EVC2: variants seen among roughly 807,000 people sequenced by gnomAD.
EVC2 encodes limbin.
EVC2 carries 148 observed loss-of-function variants against 149.3 expected under a neutral mutation model. The ratio of observed to expected loss-of-function variants is 0.99; its 90% CI spans 0.87 to 1.14. The LOEUF is 1.14. Among genes scored for constraint, EVC2 ranks in the 50% most tolerant of loss-of-function variants. EVC2 has a pLI of 0.00. For missense variants in EVC2, 1,854 were observed against 1,627.3 expected (o/e 1.14, Z -2.40); for synonymous variants, 776 against 649.9 (o/e 1.19, Z -2.95).
intron 7 of EVC2, among the ~76,000 whole-genome samples, chr4:5,676,280 G>T (rs1719986588): frequency 6.6e-6 from 1 of 152,176 alleles, no homozygotes; most frequent in South Asian, 2.1e-4. Context: ...ATTTTCCTTG[G>T]CTGACATGTG....
intron 13 of EVC2, among the ~76,000 whole-genome samples, chr4:5,623,468 T>A (rs1242288830): frequency 6.6e-6 from 1 of 152,114 alleles, no homozygotes; most frequent in Non-Finnish European, 1.5e-5. Context: ...GCCTCCCCAG[T>A]AGCTGGGATT....
chr4:5,690,453 T>C (rs1321983262), intron 4 of EVC2, among the ~76,000 whole-genome samples: 4 of 150,980 alleles, frequency 2.6e-5, no homozygotes, highest in Non-Finnish European at 5.9e-5. Context: ...CCTCACCAGA[T>C]AGCTGATGCC....
chr4:5,552,046 TA>T (rs1279028976), intron 21 of EVC2, among the ~76,000 whole-genome samples: 1 of 152,184 alleles, frequency 6.6e-6, no homozygotes. Context: ...GAAAATAGGG[TA>T]ATACACCCCT....
intron 9 of EVC2, among the ~76,000 whole-genome samples, chr4:5,642,373 T>C (rs554987866): frequency 1.7e-4 from 24 of 145,142 alleles, no homozygotes; most frequent in Admixed American, 6.8e-4. Flanking sequence ...TACAATTTTA[T>C]CCTCTTTTTT....
At chr4:5,653,786 C>A (rs1181367811) in intron 9 of EVC2, among the ~76,000 whole-genome samples, 1 of 152,148 alleles carries the variant, frequency 6.6e-6, no homozygotes, top group East Asian at 1.9e-4. Context: ...TAAAACTGTT[C>A]TAAAAAATAA....
At chr4:5,589,110 A>C (rs1255834420) in intron 16 of EVC2, among the ~76,000 whole-genome samples, 1 of 152,128 alleles carries the variant, frequency 6.6e-6, no homozygotes, top group Non-Finnish European at 1.5e-5. Context: ...TGGGTCCTAG[A>C]TATTTTTGTG....
At position 5,618,436 on chromosome 4, in the gene EVC2, C is replaced by T. The variant is rs200068047; in HGVS notation, c.2706+42G>A. 26 of 1,607,598 alleles carry T rather than the reference C, an allele frequency of 1.6e-5. No individual in the cohort carries two copies. Among genetic ancestry groups the T allele is most frequent in the Middle Eastern group, 4.5e-4 (2 of 4,460 alleles). ...CCCTGTAGGGCCAGCAGCTGGGAGA[C>T]GGCCCTGCTTCTGTAATCGGCCACT... On this transcript the variant is annotated intron_variant, in intron 15 of 21. Coordinates refer to ENST00000344408, the MANE Select transcript of EVC2 (RefSeq NM_147127.5). The surrounding 1 kb of genome is among the most constrained non-coding windows in gnomAD (Gnocchi z 4.4).
intron 16 of EVC2, among the ~76,000 whole-genome samples, chr4:5,606,042 A>T (rs1442322990): frequency 6.6e-6 from 1 of 152,168 alleles, no homozygotes; most frequent in African/African-American, 2.4e-5. Context: ...CAAACCCCCT[A>T]AGCCAACCAC....
intron 16 of EVC2, among the ~76,000 whole-genome samples, chr4:5,597,064 G>A (rs1222512592): frequency 6.6e-6 from 1 of 152,188 alleles, no homozygotes; most frequent in Non-Finnish European, 1.5e-5. Flanking sequence ...TGAAACTGTG[G>A]CAATAATCAA....
chr4:5,641,967 G>A (rs1232518062), intron 9 of EVC2, among the ~76,000 whole-genome samples: 1 of 152,126 alleles, frequency 6.6e-6, no homozygotes, highest in East Asian at 1.9e-4. Flanking sequence ...AGGCCCTGGT[G>A]TGTGATGTTC....
chr4:5,702,100 C>G (rs759610373), intron 1 of EVC2, among the ~76,000 whole-genome samples: 1 of 152,186 alleles, frequency 6.6e-6, no homozygotes, highest in Non-Finnish European at 1.5e-5. Context: ...CCATCCACAG[C>G]ATCCCATCTT....
At position 5,638,324 on chromosome 4, in the gene EVC2, G is replaced by A. The variant is rs186373640; in HGVS notation, c.1470+2190C>T. ...GAATCACTTGAGCCCAGGAGGTGGA[G>A]GTTGCAGTGAGCCAAGACTGCACCA... On this transcript the variant is annotated intron_variant, in intron 10 of 21. Transcript: ENST00000344408. Among the ~76,000 whole-genome samples, 48 of 152,194 alleles carry A rather than the reference G, an allele frequency of 3.2e-4. No homozygotes were observed. In the East Asian group the frequency reaches 6.6e-3, roughly 21 times the overall value.
chr4:5,645,522 T>C (rs1371956305), intron 9 of EVC2, among the ~76,000 whole-genome samples: 2 of 152,214 alleles, frequency 1.3e-5, no homozygotes, highest in Admixed American at 6.5e-5. Flanking sequence ...TTTGGTTTTC[T>C]CTTACTGAGT....
In EVC2 at chr4:5,618,271, A is replaced by G. The variant is rs546340605; in HGVS notation, c.2706+207T>C. Among the ~76,000 whole-genome samples the G allele has an allele frequency of 2.0e-5, 3 of 152,346 alleles. No homozygotes were observed. Among genetic ancestry groups the G allele is most frequent in the East Asian group, 1.9e-4 (1 of 5,166 alleles). On this transcript the variant is annotated intron_variant, in intron 15 of 21. Coordinates refer to ENST00000344408, the MANE Select transcript of EVC2 (RefSeq NM_147127.5). This position sits in a 1 kb window ranked among gnomAD's most constrained non-coding sequence, Gnocchi z 4.4. ...AGCCCAGGCAACAGGATCAGGGCAC[A>G]GCACCAGCAGTGTCCACTATAGACT...
intron 7 of EVC2, among the ~76,000 whole-genome samples, chr4:5,674,961 A>C (rs952242645): frequency 1.3e-5 from 2 of 152,196 alleles, no homozygotes; most frequent in African/African-American, 4.8e-5. Flanking sequence ...GATAACGTGC[A>C]ATTGTGTACA....
chr4:5,706,401 G>GATACATACATAC (rs1577281508), intron 1 of EVC2, among the ~76,000 whole-genome samples: 1 of 45,522 alleles, frequency 2.2e-5, no homozygotes. Context: ...TACATAGATA[G>GATACATACATAC]ATAGATAGAT....
At chr4:5,691,382 A>G (rs762270225) in intron 3 of EVC2, 49 bp from the exon 4 acceptor site, 4 of 1,469,380 alleles carry the variant, frequency 2.7e-6, no homozygotes, top group Admixed American at 1.7e-5. Flanking sequence ...ATTTCATGCT[A>G]TACATATTTA....
Position 5,576,565 on chromosome 4 carries a change from G to A in EVC2, c.3058-111C>T, listed in dbSNP as rs1722949614. On this transcript the variant is annotated intron_variant, in intron 17 of 21. Transcript: ENST00000344408. The surrounding 1 kb of genome is among the most constrained non-coding windows in gnomAD (Gnocchi z 4.5). ...TACAAGTCTGGCATGACTCTGTCTT[G>A]CCTGGTTCCCCATCCAGCTGTGCCA... The A allele has an allele frequency of 6.6e-7, 1 of 1,526,418 alleles. No homozygotes were observed. The highest frequency in any genetic ancestry group is 8.8e-7 in the Non-Finnish European group (1 of 1,140,504). The allele number at this position is 1,526,418 out of a possible 1,614,324, so 94.6% of individuals were successfully genotyped here.
intron 21 of EVC2, among the ~76,000 whole-genome samples, chr4:5,546,915 G>A (rs1721633184): frequency 6.6e-6 from 1 of 152,120 alleles, no homozygotes; most frequent in South Asian, 2.1e-4. Context: ...GGTGGGGAAG[G>A]AGCTTCCCTG....
Sources: allele counts gnomAD v4.1 joint callset (sites outside exome capture counted in the v4.1 genomes callset), GRCh38; gene constraint gnomAD v4.1.1; non-coding constraint Gnocchi (gnomAD v3.1); transcripts MANE v1.5; gene names NCBI Gene and HGNC (gene_info 2026-07-23, HGNC 2026-07-21).